BPTF: variants seen among roughly 807,000 people sequenced by gnomAD.
BPTF encodes nucleosome-remodeling factor subunit BPTF.
BPTF carries 18 observed loss-of-function variants against 292.5 expected under a neutral mutation model. The observed-to-expected ratio is 0.06, with a 90% CI of 0.04 to 0.09. The LOEUF (loss-of-function observed/expected upper bound fraction) is 0.09, where lower values mean the gene tolerates loss of function less well. Ranked by LOEUF, BPTF falls within the 10% of genes least tolerant of loss-of-function variation. The probability of loss-of-function intolerance (pLI) is 1.00; values close to 1 mark genes in which losing one functional copy is unlikely to be tolerated. For synonymous variants in BPTF, 1,225 were observed against 1,251.9 expected (o/e 0.98, Z 0.45); for missense variants, 2,726 against 3,498.7 (o/e 0.78, Z 5.57).
At chr17:67,971,949 C>CAA (rs2068814786) in intron 26 of BPTF, among the ~76,000 whole-genome samples, 5 of 151,750 alleles carry the variant, frequency 3.3e-5, no homozygotes, top group African/African-American at 1.2e-4. Context: ...TATTATCACT[C>CAA]TTTTGAGGGG....
intron 3 of BPTF, among the ~76,000 whole-genome samples, chr17:67,867,854 C>T (rs879714041): frequency 5.3e-5 from 8 of 152,066 alleles, no homozygotes; most frequent in South Asian, 2.1e-4. Context: ...AGGCAGTGTT[C>T]GTCAGGTTTC....
At chr17:67,924,644 A>G in intron 15 of BPTF, 55 bp downstream of exon 15, 2 of 1,578,080 alleles carry the variant, frequency 1.3e-6, no homozygotes, top group Non-Finnish European at 1.7e-6. Flanking sequence ...GGCTCTTTCA[A>G]AACAAAAGCA....
chr17:67,865,049 G>A (rs915403662), intron 2 of BPTF, among the ~76,000 whole-genome samples: 3 of 152,058 alleles, frequency 2.0e-5, no homozygotes, highest in Non-Finnish European at 2.9e-5. Flanking sequence ...CTTGTGATCC[G>A]CCCGCCTCAG....
At chr17:67,894,894 G>A (rs2061344030) in intron 7 of BPTF, among the ~76,000 whole-genome samples, 1 of 152,080 alleles carries the variant, frequency 6.6e-6, no homozygotes, top group Non-Finnish European at 1.5e-5. Context: ...TAAAAAGAAA[G>A]AAAATTTTGT....
At chr17:67,831,925 T>A (rs1296385234) in intron 1 of BPTF, among the ~76,000 whole-genome samples, 3 of 152,166 alleles carry the variant, frequency 2.0e-5, no homozygotes, top group African/African-American at 7.2e-5. Context: ...AGAGTCTCAC[T>A]CTGTCACCCA....
At chr17:67,827,766 A>G (rs1443625733) in intron 1 of BPTF, among the ~76,000 whole-genome samples, 2 of 152,146 alleles carry the variant, frequency 1.3e-5, no homozygotes, top group Non-Finnish European at 2.9e-5. Context: ...TTGTCCTAAC[A>G]TAACTGAAAA....
chr17:67,939,078 A>G (rs1347209462), intron 18 of BPTF, among the ~76,000 whole-genome samples: 4 of 152,206 alleles, frequency 2.6e-5, no homozygotes, highest in African/African-American at 9.7e-5. Context: ...ACCTTTCAAA[A>G]CTTCAACTTA....
rs1020030235 is a variant in BPTF, at chr17:67,870,238, A to G, written c.1660+3551A>G. Among the ~76,000 whole-genome samples the G allele has an allele frequency of 3.3e-5, 5 of 151,402 alleles. No homozygotes were observed. In the East Asian group the frequency reaches 9.7e-4, roughly 29 times the overall value. ...GTGAGATCTGGACCCCAAAAATGAC[A>G]TAAATATTTTTTTCTTTCTTTCCTT... On this transcript the variant is annotated intron_variant, in intron 3 of 27. Coordinates refer to ENST00000306378, the MANE Select transcript of BPTF (RefSeq NM_182641.4).
rs782502174 is a variant in BPTF, at chr17:67,940,411, C to T, written c.6260-28C>T. On this transcript the variant is annotated intron_variant, in intron 18 of 27. Transcript: ENST00000306378. ...CAAAATAATGCCAAGGGTGTATAAG[C>T]ATTCATAATGTTTTGCTGTTTGGGT... The T allele has an allele frequency of 2.5e-6, 4 of 1,589,986 alleles. No individual in the cohort carries two copies. In the African/African-American group the frequency reaches 4.0e-5, roughly 16 times the overall value.
At chr17:67,861,113 C>T (rs774168286) in intron 2 of BPTF, among the ~76,000 whole-genome samples, 3 of 152,186 alleles carry the variant, frequency 2.0e-5, no homozygotes, top group South Asian at 2.1e-4. Context: ...CTTCATCCAG[C>T]GTTCTCATCT....
chr17:67,964,724 G>GCC (rs2067843204), intron 25 of BPTF, among the ~76,000 whole-genome samples: 1 of 152,122 alleles, frequency 6.6e-6, no homozygotes, highest in Admixed American at 6.6e-5. Flanking sequence ...TTCTTGGCCG[G>GCC]GCATGGTGGC....
chr17:67,874,257 T>C (rs2059926560), intron 3 of BPTF, among the ~76,000 whole-genome samples: 1 of 152,162 alleles, frequency 6.6e-6, no homozygotes, highest in Non-Finnish European at 1.5e-5. Flanking sequence ...AGAGGGTAGG[T>C]GTACTAAGAG....
chr17:67,867,768 A>G (rs892163953), intron 3 of BPTF, among the ~76,000 whole-genome samples: 2 of 152,100 alleles, frequency 1.3e-5, no homozygotes, highest in Non-Finnish European at 2.9e-5. Context: ...GTGAAGTGCA[A>G]TTCTCATCTT....
chr17:67,917,366 C>T (rs1283873562), intron 11 of BPTF, among the ~76,000 whole-genome samples: 1 of 151,790 alleles, frequency 6.6e-6, no homozygotes, highest in African/African-American at 2.4e-5. Flanking sequence ...CTCGTGATCC[C>T]CCCACCTTGG....
intron 4 of BPTF, among the ~76,000 whole-genome samples, chr17:67,875,221 T>A (rs1288590884): frequency 1.3e-5 from 2 of 152,206 alleles, no homozygotes; most frequent in African/African-American, 2.4e-5. Context: ...GCTATAATGT[T>A]ATATTCATGT....
intron 7 of BPTF, among the ~76,000 whole-genome samples, chr17:67,900,586 A>G (rs1275021572): frequency 2.6e-5 from 4 of 151,830 alleles, no homozygotes; most frequent in African/African-American, 9.7e-5. Context: ...TAATTAATTA[A>G]TTAATTAAAA....
At chr17:67,886,789 A>C (rs988185939) in intron 4 of BPTF, among the ~76,000 whole-genome samples, 2 of 152,042 alleles carry the variant, frequency 1.3e-5, no homozygotes, top group East Asian at 3.9e-4. Context: ...ACATGGAGAG[A>C]ATCTTTTTGT....
rs776980701 is a variant in BPTF, at chr17:67,928,561, A to G, written c.5958A>G (p.Gln1986=). The change falls in exon 16 of 28, where the codon CAA becomes CAG. Residue 1986 remains glutamine, a synonymous_variant. Transcript: ENST00000306378. Reference sequence around the variant, plus strand: ...TCCAACAAAACAAGAACTTTCATCAAACCTTTGCTACATGGGTTAAGCAAG... The same window carrying G: ...TCCAACAAAACAAGAACTTTCATCAGACCTTTGCTACATGGGTTAAGCAAG... ...VTFQQNKNFH[Q]TFATWVKQGQ... 9.9e-6 allele frequency: 16 copies of G among 1,614,080 alleles called. No individual in the cohort carries two copies. The East Asian group carries it at 2.7e-4, about 27-fold the overall frequency.
At chr17:67,897,523 G>A (rs942537548) in intron 7 of BPTF, among the ~76,000 whole-genome samples, 3 of 152,002 alleles carry the variant, frequency 2.0e-5, no homozygotes, top group African/African-American at 7.2e-5. Flanking sequence ...CAAGATGGTG[G>A]AATAAAAGTC....
Sources: allele counts gnomAD v4.1 joint callset (sites outside exome capture counted in the v4.1 genomes callset), GRCh38; gene constraint gnomAD v4.1.1; transcripts MANE v1.5; gene names NCBI Gene and HGNC (gene_info 2026-07-23, HGNC 2026-07-21).